The following SLC12A7 variants were observed in gnomAD, a reference collection of about 807,000 sequenced individuals.
SLC12A7 encodes solute carrier family 12 member 7.
SLC12A7 carries 100 observed loss-of-function variants against 120.6 expected under a neutral mutation model. The ratio of observed to expected loss-of-function variants is 0.83; its 90% CI spans 0.71 to 0.98. SLC12A7 has a LOEUF of 0.98. SLC12A7 is among the 50% of genes least tolerant of loss of function. The pLI is 0.00. For missense variants in SLC12A7, 1,373 were observed against 1,548.1 expected, an observed-to-expected ratio of 0.89 and a Z score of 1.90; for synonymous variants, 760 against 678.0, an observed-to-expected ratio of 1.12 and a Z score of -1.88.
chr5:1,061,795 CAAAGA>C (rs775541946), intron 20 of SLC12A7, among the ~76,000 whole-genome samples: 2 of 98,908 alleles, frequency 2.0e-5, no homozygotes, highest in Non-Finnish European at 4.5e-5. Flanking sequence ...ACTAAAAATA[CAAAGA>C]AAAAAAAAAA....
chr5:1,121,726 C>G, the SLC12A7 span, among the ~76,000 whole-genome samples: 1 of 152,196 alleles, frequency 6.6e-6, no homozygotes, highest in African/African-American at 2.4e-5. Flanking sequence ...CCCCTGCCCG[C>G]CCCAGCCATG....
chr5:1,085,552 C>T, intron 6 of SLC12A7, 79 bp from the exon 7 acceptor site: 2 of 1,485,290 alleles, frequency 1.3e-6, no homozygotes, highest in African/African-American at 1.4e-5. Flanking sequence ...GCCCCCAGCG[C>T]CACACAGGGG....
intron 18 of SLC12A7, among the ~76,000 whole-genome samples, chr5:1,064,759 G>A (rs1019856957): frequency 6.8e-6 from 1 of 146,000 alleles, no homozygotes; most frequent in Non-Finnish European, 1.5e-5. Context: ...CGAGGAGACG[G>A]TGAAGGGACA....
chr5:1,129,369 CA>C, the SLC12A7 span, among the ~76,000 whole-genome samples: 59 of 152,316 alleles, frequency 3.9e-4, no homozygotes, highest in Middle Eastern at 6.8e-3. Context: ...AGCAGCCACC[CA>C]AGGCAAGGAG....
At chr5:1,080,041 C>T (rs936253110) in intron 9 of SLC12A7, among the ~76,000 whole-genome samples, 11 of 152,334 alleles carry the variant, frequency 7.2e-5, no homozygotes, top group East Asian at 3.9e-4. Context: ...ACGCCTGGCT[C>T]GGTCCCATCC....
At chr5:1,105,713 C>A (rs77940844) in intron 1 of SLC12A7, among the ~76,000 whole-genome samples, 1 of 152,222 alleles carries the variant, frequency 6.6e-6, no homozygotes, top group African/African-American at 2.4e-5. Context: ...CTGCCCTTGT[C>A]CCTGGGCAGC....
intron 18 of SLC12A7, among the ~76,000 whole-genome samples, chr5:1,064,835 G>A (rs1202599174): frequency 1.9e-4 from 22 of 114,992 alleles, no homozygotes; most frequent in Admixed American, 3.8e-4. Context: ...GCGAGGGGAC[G>A]GCGAAGCGAC....
At chr5:1,067,319 C>A (rs150430608) in intron 17 of SLC12A7, among the ~76,000 whole-genome samples, 1 of 152,224 alleles carries the variant, frequency 6.6e-6, no homozygotes, top group African/African-American at 2.4e-5. Context: ...TGGAGGCGGA[C>A]GCTGCGGGGT....
chr5:1,096,896 GGGAGGGA>G, intron 1 of SLC12A7, among the ~76,000 whole-genome samples: 2 of 144,408 alleles, frequency 1.4e-5, no homozygotes, highest in African/African-American at 2.6e-5. Context: ...GAAGAAAGGA[GGGAGGGA>G]GGAAGGGAGG....
chr5:1,060,615 C>G (rs1167075646), intron 20 of SLC12A7, among the ~76,000 whole-genome samples, 164 bp from the exon 21 acceptor site: 2 of 152,200 alleles, frequency 1.3e-5, no homozygotes, highest in African/African-American at 2.4e-5. Context: ...CGCCCAGTGG[C>G]CAGGAAGGTG....
rs183284263 is a variant in SLC12A7, at chr5:1,067,306, G to A, written c.2242-1828C>T. Among the ~76,000 whole-genome samples, 853 of 152,382 alleles carry A rather than the reference G, an allele frequency of 5.6e-3. 5 individuals are homozygous for A. Among genetic ancestry groups the A allele is most frequent in the Middle Eastern group, 0.014 (4 of 294 alleles). Reference sequence around the variant, plus strand: ...CAGGGGCCCCAGAGAGGCAGAGACCGGCTGGAGGCGGACGCTGCGGGGTGG... The same window carrying A: ...CAGGGGCCCCAGAGAGGCAGAGACCAGCTGGAGGCGGACGCTGCGGGGTGG... On this transcript the variant is annotated intron_variant, in intron 17 of 23. Transcript: ENST00000264930.
intron 1 of SLC12A7, among the ~76,000 whole-genome samples, chr5:1,105,068 C>A (rs1210957463): frequency 2.6e-5 from 4 of 151,178 alleles, no homozygotes; most frequent in Non-Finnish European, 4.4e-5. Flanking sequence ...CAAAGAGGAG[C>A]CTCCCCGCAG....
intron 15 of SLC12A7, among the ~76,000 whole-genome samples, chr5:1,074,905 T>C (rs867950581): frequency 5.9e-4 from 89 of 151,784 alleles, no homozygotes; most frequent in African/African-American, 2.0e-3. Context: ...ACGTCCAGCA[T>C]GCGTGAGGTG....
intron 9 of SLC12A7, among the ~76,000 whole-genome samples, chr5:1,081,336 G>C (rs577124403): frequency 6.6e-6 from 1 of 152,024 alleles, no homozygotes; most frequent in Non-Finnish European, 1.5e-5. Flanking sequence ...CCGTGTGCCT[G>C]GGGTCCCGGC....
In SLC12A7 at chr5:1,077,866, G is replaced by A. The variant is rs763750983; in HGVS notation, c.1596C>T (p.Ala532=). Reference sequence around the variant, plus strand: ...AGGGGACGATGCCGTCACGGGCAATGGCCTGCAGTAGGCGCGGTGCCCCCG... The same window carrying A: ...AGGGGACGATGCCGTCACGGGCAATAGCCTGCAGTAGGCGCGGTGCCCCCG... ...SLTGAPRLLQ[A]IARDGIVPFL... is the part of the protein sequence containing the mutation. Residue 532 remains alanine, a synonymous_variant, in exon 12 of 24, where the codon GCC becomes GCT. Coordinates refer to ENST00000264930, the MANE Select transcript of SLC12A7 (RefSeq NM_006598.3). The A allele has an allele frequency of 3.8e-6, 6 of 1,596,082 alleles. No homozygotes were observed. The highest frequency in any genetic ancestry group is 3.4e-5 in the South Asian group (3 of 88,348).
chr5:1,056,018 G>A (rs1034317754), intron 22 of SLC12A7, among the ~76,000 whole-genome samples: 1 of 152,156 alleles, frequency 6.6e-6, no homozygotes, highest in East Asian at 1.9e-4. Flanking sequence ...GGCAGGCAGG[G>A]GACAGAGACG....
intron 1 of SLC12A7, among the ~76,000 whole-genome samples, chr5:1,104,263 G>A (rs768977327): frequency 2.0e-5 from 3 of 152,236 alleles, no homozygotes; most frequent in South Asian, 2.1e-4. Flanking sequence ...CACAGCCACC[G>A]CCACCCTCGT....
At chr5:1,064,534 G>C (rs189700693) in intron 18 of SLC12A7, among the ~76,000 whole-genome samples, 19 of 152,364 alleles carry the variant, frequency 1.2e-4, no homozygotes, top group Middle Eastern at 6.8e-3. Flanking sequence ...CAGGGCCAGG[G>C]CCTTCGACAG....
chr5:1,086,368 C>T (rs1383241926), intron 6 of SLC12A7, among the ~76,000 whole-genome samples: 2 of 152,164 alleles, frequency 1.3e-5, no homozygotes, highest in Admixed American at 6.5e-5. Context: ...CAGAGAAGGG[C>T]GGTTCCCGTC....
Sources: allele counts gnomAD v4.1 joint callset (sites outside exome capture counted in the v4.1 genomes callset), GRCh38; gene constraint gnomAD v4.1.1; transcripts MANE v1.5; gene names NCBI Gene and HGNC (gene_info 2026-07-23, HGNC 2026-07-21).